The following ARHGEF3 variants were observed in gnomAD, a reference collection of about 807,000 sequenced individuals.
The protein encoded by ARHGEF3 is Rho guanine nucleotide exchange factor 3.
Under a neutral mutation model 63.2 loss-of-function variants are expected in ARHGEF3, and 28 were observed. The observed-to-expected ratio is 0.44, with a 90% CI of 0.33 to 0.61. ARHGEF3 has a LOEUF of 0.61. Among genes scored for constraint, ARHGEF3 ranks in the 20% least tolerant of loss-of-function variants. ARHGEF3 has a pLI of 0.03. For missense variants in ARHGEF3, 533 were observed against 659.3 expected (o/e 0.81, Z 2.10); for synonymous variants, 266 against 254.2 (o/e 1.05, Z -0.44).
intron 1 of ARHGEF3, among the ~76,000 whole-genome samples, chr3:57,046,498 C>T (rs977307707): frequency 1.3e-5 from 2 of 152,174 alleles, no homozygotes; most frequent in Non-Finnish European, 2.9e-5. Flanking sequence ...AAAGGGAGGA[C>T]GAAGCTCAGC....
At chr3:56,830,377 G>C (rs2038889232) in intron 4 of ARHGEF3, among the ~76,000 whole-genome samples, 1 of 152,086 alleles carries the variant, frequency 6.6e-6, no homozygotes, top group South Asian at 2.1e-4. Flanking sequence ...TCTTCCAACA[G>C]TGTTACCTTA....
At chr3:56,831,399 G>C (rs1179961897) in intron 4 of ARHGEF3, among the ~76,000 whole-genome samples, 1 of 152,204 alleles carries the variant, frequency 6.6e-6, no homozygotes, top group Non-Finnish European at 1.5e-5. Flanking sequence ...GGAGTTAAGA[G>C]CCCTTGTTCT....
intron 2 of ARHGEF3, among the ~76,000 whole-genome samples, chr3:57,019,210 C>T (rs1047168097): frequency 1.8e-4 from 27 of 152,202 alleles, no homozygotes; most frequent in African/African-American, 6.3e-4. Context: ...AACAAGAGAG[C>T]AAGGGGGACT....
At chr3:57,005,958 CTATTAGAAGTGACAA>C (rs1702450910) in intron 2 of ARHGEF3, among the ~76,000 whole-genome samples, 1 of 152,142 alleles carries the variant, frequency 6.6e-6, no homozygotes, top group East Asian at 1.9e-4. Flanking sequence ...TGATGAGCAC[CTATTAGAAGTGACAA>C]ACGCATATGA....
At position 56,834,398 on chromosome 3, in the gene ARHGEF3, T is replaced by C. The variant is rs148635422; in HGVS notation, c.192+47894A>G. 3.1e-3 allele frequency among the ~76,000 whole-genome samples: 468 copies of C among 152,124 alleles called. 2 individuals are homozygous for C. The highest frequency in any genetic ancestry group is 0.011 in the African/African-American group (440 of 41,536). ...AGAAAAACTAGAAGCATACTATATATCTAATAACGGTGGGTTAATTTAATA... is the reference window on the plus strand; with the variant it reads ...AGAAAAACTAGAAGCATACTATATACCTAATAACGGTGGGTTAATTTAATA... On this transcript the variant is annotated intron_variant, in intron 4 of 12. Coordinates refer to the ARHGEF3 transcript ENST00000338458.
At chr3:56,982,301 T>C (rs2106907397) in intron 2 of ARHGEF3, among the ~76,000 whole-genome samples, 1 of 151,574 alleles carries the variant, frequency 6.6e-6, no homozygotes, top group Admixed American at 6.6e-5. Context: ...TTCTGTCACA[T>C]GCAACCAAAA....
At chr3:56,964,505 G>A (rs552735123) in intron 2 of ARHGEF3, among the ~76,000 whole-genome samples, 8 of 152,194 alleles carry the variant, frequency 5.3e-5, no homozygotes, top group African/African-American at 1.7e-4. Context: ...TACTCTACTC[G>A]TGGGAGCTCA....
rs1407895316 is a variant in ARHGEF3, at chr3:56,727,869, T to C, written c.*1401A>G. On this transcript the variant is annotated 3_prime_UTR_variant, in exon 10 of 10. Transcript: ENST00000296315. ...TCTTGTCACACAGCTTGAATGCACA[T>C]GATATATGTACATAATAAAATGACA... 7 of 152,638 alleles carry C rather than the reference T, an allele frequency of 4.6e-5. No individual in the cohort carries two copies. The highest frequency in any genetic ancestry group is 3.8e-4 in the East Asian group (2 of 5,198). The allele number at this position is 152,638 out of a possible 1,614,324, so 9.5% of individuals were successfully genotyped here. A position where few individuals can be genotyped will look rare whatever the true frequency, so the allele number is the denominator to read the frequency against.
At chr3:57,077,148 TG>T (rs1706257026) in intron 1 of ARHGEF3, among the ~76,000 whole-genome samples, 1 of 152,170 alleles carries the variant, frequency 6.6e-6, no homozygotes, top group African/African-American at 2.4e-5. Context: ...GTTCATGAAT[TG>T]CATCCCAGCC....
chr3:57,061,211 G>T (rs912580198), intron 1 of ARHGEF3, among the ~76,000 whole-genome samples: 5 of 152,118 alleles, frequency 3.3e-5, no homozygotes, highest in Non-Finnish European at 7.4e-5. Context: ...CCCCCTGTAA[G>T]TGTCCTTTTG....
chr3:57,070,694 A>C (rs9837565), intron 1 of ARHGEF3, among the ~76,000 whole-genome samples: 132,522 of 152,130 alleles, frequency 0.87, 57,778 homozygotes, highest in East Asian at 0.96. Flanking sequence ...CACAGTGGCT[A>C]ACACCTATAA....
intron 4 of ARHGEF3, among the ~76,000 whole-genome samples, chr3:56,860,930 A>T (rs1481942707): frequency 1.3e-5 from 2 of 152,170 alleles, no homozygotes; most frequent in Non-Finnish European, 2.9e-5. Context: ...GCTACTAAAG[A>T]ACAAAGAAGA....
chr3:56,857,347 T>G (rs2039921939), intron 4 of ARHGEF3, among the ~76,000 whole-genome samples: 1 of 152,148 alleles, frequency 6.6e-6, no homozygotes, highest in Admixed American at 6.5e-5. Context: ...GCATTCCTCC[T>G]GGGACTATTA....
At chr3:56,942,711 A>G (rs1578900752) in intron 3 of ARHGEF3, among the ~76,000 whole-genome samples, 1 of 152,252 alleles carries the variant, frequency 6.6e-6, no homozygotes, top group South Asian at 2.1e-4. Flanking sequence ...AGTTAGGCCT[A>G]TTGTACCCAA....
chr3:57,079,117 G>T, intron 1 of ARHGEF3: 1 of 347,706 alleles, frequency 2.9e-6, no homozygotes. Context: ...GACTAGACCG[G>T]AAGACGGTCT....
chr3:56,742,526 A>G (rs527662695), intron 7 of ARHGEF3, among the ~76,000 whole-genome samples: 1 of 152,284 alleles, frequency 6.6e-6, no homozygotes, highest in South Asian at 2.1e-4. Context: ...TTGATGGGAA[A>G]TTTATTCATG....
At chr3:56,866,410 G>A (rs761312697) in intron 4 of ARHGEF3, among the ~76,000 whole-genome samples, 37 of 152,164 alleles carry the variant, frequency 2.4e-4, no homozygotes, top group Non-Finnish European at 3.4e-4. Flanking sequence ...CCGGTGCCCT[G>A]CGTCATGTTC....
chr3:56,798,537 G>GTTTTTTTTTTTTT (rs368922829), intron 1 of ARHGEF3, among the ~76,000 whole-genome samples: 1 of 139,276 alleles, frequency 7.2e-6, no homozygotes, highest in African/African-American at 2.8e-5. Context: ...TCTTTACTTC[G>GTTTTTTTTTTTTT]TTTTTTTTTT....
At chr3:57,052,282 T>C (rs1704707532) in intron 1 of ARHGEF3, among the ~76,000 whole-genome samples, 2 of 152,162 alleles carry the variant, frequency 1.3e-5, no homozygotes, top group Non-Finnish European at 2.9e-5. Flanking sequence ...AACTCAGGCA[T>C]TCTGGCTCCA....
Sources: allele counts gnomAD v4.1 joint callset (sites outside exome capture counted in the v4.1 genomes callset), GRCh38; gene constraint gnomAD v4.1.1; transcripts MANE v1.5; gene names NCBI Gene and HGNC (gene_info 2026-07-23, HGNC 2026-07-21).